PHLPP1: variants seen among roughly 807,000 people sequenced by gnomAD.
PHLPP1 encodes the protein PH domain and leucine rich repeat protein phosphatase 1, also known as PH domain leucine-rich repeat-containing protein phosphatase 1.
A neutral mutation model predicts 117.2 loss-of-function variants in PHLPP1; 42 were observed. The ratio of observed to expected loss-of-function variants is 0.36; its 90% CI spans 0.28 to 0.46. The LOEUF (loss-of-function observed/expected upper bound fraction) is 0.46. Among genes scored for constraint, PHLPP1 ranks in the 20% least tolerant of loss-of-function variants. The pLI, the probability that PHLPP1 is intolerant of heterozygous loss-of-function variation, is 1.00. For missense variants in PHLPP1, 2,084 were observed against 2,241.9 expected (o/e 0.93, Z 1.42); for synonymous variants, 1,042 against 970.7 (o/e 1.07, Z -1.37).
intron 1 of PHLPP1, 28 bp downstream of exon 1, chr18:62,717,287 G>A (rs768735909): frequency 6.5e-7 from 1 of 1,537,400 alleles, no homozygotes; most frequent in South Asian, 1.3e-5. Flanking sequence ...CTTGACGGGT[G>A]GTTGCAAAAG....
At chr18:62,896,418 A>G (rs893440261) in intron 6 of PHLPP1, among the ~76,000 whole-genome samples, 3 of 150,406 alleles carry the variant, frequency 2.0e-5, no homozygotes, top group African/African-American at 7.3e-5. Flanking sequence ...CAGCCTCCCT[A>G]GTAGCTGGGA....
intron 1 of PHLPP1, among the ~76,000 whole-genome samples, chr18:62,763,654 GAGTC>G (rs1912337748): frequency 6.6e-6 from 1 of 152,100 alleles, no homozygotes; most frequent in Admixed American, 6.5e-5. Flanking sequence ...CTCACTGTCA[GAGTC>G]AGTCAGTCCA....
chr18:62,766,104 A>ATATAT (rs1289379653), intron 1 of PHLPP1, among the ~76,000 whole-genome samples: 12 of 40,988 alleles, frequency 2.9e-4, no homozygotes, highest in African/African-American at 7.5e-4. Context: ...TATATATATA[A>ATATAT]AATATATATA....
At chr18:62,884,698 A>G (rs1215963758) in intron 4 of PHLPP1, among the ~76,000 whole-genome samples, 1 of 152,252 alleles carries the variant, frequency 6.6e-6, no homozygotes, top group African/African-American at 2.4e-5. Flanking sequence ...GTTACTGTGA[A>G]ACGGAAATTT....
At chr18:62,945,970 G>A (rs1425832462) in intron 12 of PHLPP1, among the ~76,000 whole-genome samples, 1 of 152,198 alleles carries the variant, frequency 6.6e-6, no homozygotes, top group Non-Finnish European at 1.5e-5. Flanking sequence ...ACAACCATGT[G>A]TTCCTATTTT....
chr18:62,803,170 A>C (rs778885142), intron 1 of PHLPP1, among the ~76,000 whole-genome samples: 1 of 152,226 alleles, frequency 6.6e-6, no homozygotes, highest in Non-Finnish European at 1.5e-5. Context: ...TGGTGTTAAC[A>C]GTTTGTATGC....
Position 62,963,439 on chromosome 18 carries a change from A to T in PHLPP1, c.3527A>T (p.His1176Leu). The T allele has an allele frequency of 6.2e-7, 1 of 1,613,288 alleles. No individual in the cohort carries two copies. The highest frequency in any genetic ancestry group is 8.5e-7 in the Non-Finnish European group (1 of 1,179,528). ...TCCGGAGCCCCAGCTGTATGGAGTCATGGTTACACTGAAGCTTCGGGGGTA... is the reference window on the plus strand; with the variant it reads ...TCCGGAGCCCCAGCTGTATGGAGTCTTGGTTACACTGAAGCTTCGGGGGTA... ...DASGAPAVWSHGYTEASGVKN... is the reference protein window; with the variant it reads ...DASGAPAVWSLGYTEASGVKN... Residue 1176 changes from histidine (H) to leucine (L), a missense_variant, in exon 14 of 17, where the codon CAT (histidine) becomes CTT (leucine). Coordinates refer to ENST00000262719, the MANE Select transcript of PHLPP1 (RefSeq NM_194449.4).
At chr18:62,850,561 C>A (rs574530101) in intron 3 of PHLPP1, among the ~76,000 whole-genome samples, 4 of 152,274 alleles carry the variant, frequency 2.6e-5, no homozygotes, top group Admixed American at 6.5e-5. Flanking sequence ...CAGAAACATT[C>A]TCAGGTAGTA....
intron 4 of PHLPP1, among the ~76,000 whole-genome samples, chr18:62,893,582 A>G (rs1234185276): frequency 6.6e-6 from 1 of 152,234 alleles, no homozygotes; most frequent in African/African-American, 2.4e-5. Context: ...TTATTTAACT[A>G]TTTAGAATAC....
chr18:62,797,809 C>T lies in PHLPP1; in HGVS notation c.1577-32226C>T, dbSNP rs566679648. ...TGAGGAATCTCAGGATAAGCATTGCCGGGGAGAGAGGTTGATTATGGCTCA... is the reference window on the plus strand; with the variant it reads ...TGAGGAATCTCAGGATAAGCATTGCTGGGGAGAGAGGTTGATTATGGCTCA... On this transcript the variant is annotated intron_variant, in intron 1 of 16. Transcript: ENST00000262719. 3.3e-5 allele frequency among the ~76,000 whole-genome samples: 5 copies of T among 152,060 alleles called. No individual in the cohort carries two copies. In the South Asian group the frequency reaches 6.2e-4, roughly 19 times the overall value.
Position 62,958,699 on chromosome 18 carries a change from A to G in PHLPP1, c.3395A>G (p.Glu1132Gly). Reference sequence around the variant, plus strand: ...GAAAACCTGCCTCCCAAACTGCAGGAGCTAGACCTGACTGGAAACCCGCGC... The same window carrying G: ...GAAAACCTGCCTCCCAAACTGCAGGGGCTAGACCTGACTGGAAACCCGCGC... ...LPENLPPKLQELDLTGNPRLV... is the reference protein window; with the variant it reads ...LPENLPPKLQGLDLTGNPRLV... The change falls in exon 13 of 17, where the codon GAG becomes GGG. Residue 1132 changes from glutamate (E) to glycine (G), a missense_variant. By Grantham distance (98) the Glu-to-Gly change is moderately conservative (BLOSUM62 -2). This residue lies in a region of PHLPP1 where 1,365 missense variants were observed against 1,605.9 expected (regional missense o/e 0.85). Transcript: ENST00000262719. The G allele has an allele frequency of 6.2e-7, 1 of 1,613,980 alleles. No individual in the cohort carries two copies. Among genetic ancestry groups the G allele is most frequent in the Non-Finnish European group, 8.5e-7 (1 of 1,179,862 alleles).
At chr18:62,776,745 GA>G (rs1250487697) in intron 1 of PHLPP1, among the ~76,000 whole-genome samples, 1 of 151,964 alleles carries the variant, frequency 6.6e-6, no homozygotes, top group Non-Finnish European at 1.5e-5. Context: ...AAGTAGCTGG[GA>G]TTACAGGTAC....
At position 62,773,622 on chromosome 18, in the gene PHLPP1, G is replaced by A. The variant is rs560643217; in HGVS notation, c.1576+56363G>A. 2.0e-5 allele frequency among the ~76,000 whole-genome samples: 3 copies of A among 152,220 alleles called. No individual in the cohort carries two copies. In the South Asian group the frequency reaches 6.2e-4, roughly 32 times the overall value. On this transcript the variant is annotated intron_variant, in intron 1 of 16. Coordinates refer to ENST00000262719, the MANE Select transcript of PHLPP1 (RefSeq NM_194449.4). The stretch of plus-strand genomic sequence containing the variant: ...TGAGGGGGATGGGTTCTGTTTGTTT[G>A]TTGTTAACCAAAATGTAGTGTATCT...
At chr18:62,973,723 A>G (rs1911116600) in intron 15 of PHLPP1, among the ~76,000 whole-genome samples, 1 of 152,346 alleles carries the variant, frequency 6.6e-6, no homozygotes, top group South Asian at 2.1e-4. Flanking sequence ...CAGTGAGCAT[A>G]TACAATTAGC....
intron 10 of PHLPP1, among the ~76,000 whole-genome samples, chr18:62,921,172 T>C (rs1222593675): frequency 6.6e-6 from 1 of 152,234 alleles, no homozygotes; most frequent in Non-Finnish European, 1.5e-5. Context: ...TTTCATAACC[T>C]GAGTTATTTT....
intron 9 of PHLPP1, among the ~76,000 whole-genome samples, chr18:62,916,747 C>CTTTTTTTTTTTTTTTT (rs10538704): frequency 7.0e-5 from 5 of 71,078 alleles, no homozygotes; most frequent in African/African-American, 1.2e-4. Context: ...TCCTTCTATT[C>CTTTTTTTTTTTTTTTT]TTTTTTTTTT....
At chr18:62,972,387 C>G in intron 14 of PHLPP1, 127 bp from the exon 15 acceptor site, 1 of 762,426 alleles carries the variant, frequency 1.3e-6, no homozygotes, top group East Asian at 2.8e-5. Context: ...GTTTACCTGC[C>G]CTTAATCTGT....
At chr18:62,803,550 T>TACCACATATA (rs1913847822) in intron 1 of PHLPP1, among the ~76,000 whole-genome samples, 1 of 152,242 alleles carries the variant, frequency 6.6e-6, no homozygotes, top group Non-Finnish European at 1.5e-5. Context: ...CTATGTAGTT[T>TACCACATATA]TACATTGTAT....
chr18:62,914,539 C>T (rs1384257638), intron 8 of PHLPP1, among the ~76,000 whole-genome samples: 1 of 152,184 alleles, frequency 6.6e-6, no homozygotes, highest in Non-Finnish European at 1.5e-5. Flanking sequence ...TCTACTCCAG[C>T]AGTCCTCCCA....
Sources: gnomAD v4.1 joint callset for allele counts (sites outside exome capture counted in the v4.1 genomes callset) on GRCh38, gnomAD v4.1.1 for gene constraint, gnomAD v4.1.1 regional missense constraint, MANE v1.5 for transcripts, NCBI Gene and HGNC (gene_info 2026-07-23, HGNC 2026-07-21) for gene names.